The following MECOM variants were observed in gnomAD, a reference collection of about 807,000 sequenced individuals.
The protein encoded by MECOM is histone-lysine N-methyltransferase MECOM.
MECOM carries 13 observed loss-of-function variants against 116.3 expected under a neutral mutation model. That is an observed-to-expected ratio of 0.11 (90% confidence interval 0.07 to 0.18). The LOEUF is 0.18. Ranked by LOEUF, MECOM falls within the 10% of genes least tolerant of loss-of-function variation. MECOM has a pLI of 1.00. For missense variants in MECOM, 1,299 were observed against 1,509.0 expected, an observed-to-expected ratio of 0.86 and a Z score of 2.31; for synonymous variants, 528 against 535.2, an observed-to-expected ratio of 0.99 and a Z score of 0.19.
chr3:169,637,083 G>A (rs1325287992), intron 1 of MECOM, among the ~76,000 whole-genome samples: 2 of 152,114 alleles, frequency 1.3e-5, no homozygotes, highest in Non-Finnish European at 1.5e-5. Context: ...GTCATAAAAA[G>A]CCTTGCAGCT....
intron 2 of MECOM, among the ~76,000 whole-genome samples, chr3:169,171,243 C>T (rs73170088): frequency 0.07 from 10,696 of 152,154 alleles, 480 homozygotes; most frequent in South Asian, 0.19. Context: ...TAGTTAGGAA[C>T]ATTTACTGAA....
At chr3:169,247,393 C>A (rs560243163) in intron 2 of MECOM, among the ~76,000 whole-genome samples, 2 of 152,194 alleles carry the variant, frequency 1.3e-5, no homozygotes, top group African/African-American at 4.8e-5. Flanking sequence ...ACAACCTCCA[C>A]CTCCCGCGTT....
intron 9 of MECOM, among the ~76,000 whole-genome samples, chr3:169,111,335 C>G (rs1010701216): frequency 6.6e-6 from 1 of 152,068 alleles, no homozygotes; most frequent in Admixed American, 6.6e-5. Context: ...ATTAATATTA[C>G]TGTAATTAAT....
chr3:169,631,610 CCT>C (rs1235632759), intron 1 of MECOM, among the ~76,000 whole-genome samples: 1 of 109,084 alleles, frequency 9.2e-6, no homozygotes, highest in African/African-American at 3.6e-5. Context: ...ATCCCTCCCC[CCT>C]CCCCCCACCC....
chr3:169,353,691 A>C (rs1726773038), intron 2 of MECOM, among the ~76,000 whole-genome samples: 1 of 151,910 alleles, frequency 6.6e-6, no homozygotes, highest in African/African-American at 2.4e-5. Context: ...CTATCTTCTA[A>C]TCATGAAGAT....
At chr3:169,271,307 C>T (rs888722665) in intron 2 of MECOM, among the ~76,000 whole-genome samples, 1 of 152,170 alleles carries the variant, frequency 6.6e-6, no homozygotes, top group Non-Finnish European at 1.5e-5. Context: ...CCAGATTATC[C>T]TGATAAAAGG....
At chr3:169,520,651 A>G (rs1757228039) in intron 1 of MECOM, among the ~76,000 whole-genome samples, 1 of 152,132 alleles carries the variant, frequency 6.6e-6, no homozygotes, top group South Asian at 2.1e-4. Context: ...GGATTATCTC[A>G]TTTCTCATTT....
At chr3:169,110,493 T>C (rs1456596497) in intron 9 of MECOM, among the ~76,000 whole-genome samples, 1 of 152,048 alleles carries the variant, frequency 6.6e-6, no homozygotes, top group Non-Finnish European at 1.5e-5. Flanking sequence ...CAGCTATATA[T>C]AGCATGACAC....
intron 1 of MECOM, among the ~76,000 whole-genome samples, chr3:169,397,295 C>T (rs982694010): frequency 4.6e-5 from 7 of 152,140 alleles, no homozygotes; most frequent in African/African-American, 1.7e-4. Flanking sequence ...TGTGACGATG[C>T]AGGAAACAGC....
intron 2 of MECOM, among the ~76,000 whole-genome samples, chr3:169,256,194 G>A (rs1014136173): frequency 6.6e-6 from 1 of 152,118 alleles, no homozygotes; most frequent in Non-Finnish European, 1.5e-5. Context: ...CGCTGGCTAT[G>A]TAACTGTATG....
At chr3:169,654,341 T>C (rs534130271) in intron 1 of MECOM, among the ~76,000 whole-genome samples, 9 of 152,228 alleles carry the variant, frequency 5.9e-5, no homozygotes, top group Admixed American at 1.3e-4. Flanking sequence ...CGAACATATA[T>C]GACCTTCCTA....
At chr3:169,428,924 G>C (rs915948170) in intron 1 of MECOM, among the ~76,000 whole-genome samples, 1 of 152,144 alleles carries the variant, frequency 6.6e-6, no homozygotes, top group African/African-American at 2.4e-5. Context: ...AATGAAAAGA[G>C]ACTCTGTCTT....
In MECOM at chr3:169,641,393, C is replaced by A. The variant is rs74723515; in HGVS notation, c.37+21943G>T. ...CTTCTGTGACTTTAACCCCACTGAGCCAACTCCTTACTGATAAGCCTGCAC... is the reference window on the plus strand; with the variant it reads ...CTTCTGTGACTTTAACCCCACTGAGACAACTCCTTACTGATAAGCCTGCAC... On this transcript the variant is annotated intron_variant, in intron 1 of 16. Coordinates refer to ENST00000651503, the MANE Select transcript of MECOM (RefSeq NM_004991.4). 4.1e-3 allele frequency among the ~76,000 whole-genome samples: 626 copies of A among 152,264 alleles called. 3 individuals carry two copies. Among genetic ancestry groups the A allele is most frequent in the Middle Eastern group, 0.014 (4 of 294 alleles).
At chr3:169,471,605 A>G (rs1339038859) in intron 1 of MECOM, among the ~76,000 whole-genome samples, 3 of 152,146 alleles carry the variant, frequency 2.0e-5, no homozygotes, top group Non-Finnish European at 4.4e-5. Flanking sequence ...TCTTCCTTAG[A>G]TTTCTCAGCT....
intron 2 of MECOM, among the ~76,000 whole-genome samples, chr3:169,217,746 T>C (rs2149489441): frequency 6.6e-6 from 1 of 152,090 alleles, no homozygotes; most frequent in Non-Finnish European, 1.5e-5. Context: ...ATCACACCAC[T>C]GCACTCCAAC....
At chr3:169,598,039 T>C (rs1290990931) in intron 1 of MECOM, among the ~76,000 whole-genome samples, 1 of 152,132 alleles carries the variant, frequency 6.6e-6, no homozygotes, top group Non-Finnish European at 1.5e-5. Flanking sequence ...CAGGAAACCA[T>C]AATAAATAAG....
At chr3:169,106,859 C>T (rs561873750) in intron 10 of MECOM, among the ~76,000 whole-genome samples, 6 of 152,104 alleles carry the variant, frequency 3.9e-5, no homozygotes, top group Non-Finnish European at 8.8e-5. Context: ...AAAACAACCC[C>T]ATCTATTGCA....
At chr3:169,564,957 A>T (rs1300798445) in intron 1 of MECOM, among the ~76,000 whole-genome samples, 1 of 152,246 alleles carries the variant, frequency 6.6e-6, no homozygotes, top group Admixed American at 6.5e-5. Context: ...TTGAAGAAGG[A>T]TGGTACAGGA....
chr3:169,158,969 A>G (rs1049102592), intron 2 of MECOM, among the ~76,000 whole-genome samples: 1 of 152,182 alleles, frequency 6.6e-6, no homozygotes. Context: ...ACCTAGGAAG[A>G]AGTGCCAGTC....
Sources: allele counts gnomAD v4.1 joint callset (sites outside exome capture counted in the v4.1 genomes callset), GRCh38; gene constraint gnomAD v4.1.1; transcripts MANE v1.5; gene names NCBI Gene and HGNC (gene_info 2026-07-23, HGNC 2026-07-21).